Variants in TSHZ2 observed in about 807,000 individuals in gnomAD.
TSHZ2 encodes teashirt zinc finger homeobox 2, also known as teashirt homolog 2.
A neutral mutation model predicts 74.4 loss-of-function variants in TSHZ2; 21 were observed. The ratio of observed to expected loss-of-function variants is 0.28; its 90% confidence interval spans 0.20 to 0.41. The LOEUF is 0.41. TSHZ2 is among the 10% of genes least tolerant of loss of function. TSHZ2 has a pLI of 1.00. For synonymous variants in TSHZ2, 540 were observed against 515.3 expected, an observed-to-expected ratio of 1.05 and a Z score of -0.65; for missense variants, 1,244 against 1,293.5, an observed-to-expected ratio of 0.96 and a Z score of 0.59.
At chr20:53,407,808 G>A (rs1169519709) in intron 2 of TSHZ2, among the ~76,000 whole-genome samples, 1 of 152,158 alleles carries the variant, frequency 6.6e-6, no homozygotes, top group Admixed American at 6.5e-5. Context: ...CAGCACAAAA[G>A]CAGTGCCATG....
intron 1 of TSHZ2, among the ~76,000 whole-genome samples, chr20:53,111,733 C>G (rs1379961136): frequency 6.6e-6 from 1 of 152,178 alleles, no homozygotes; most frequent in Non-Finnish European, 1.5e-5. Context: ...CCAAGGCCAA[C>G]TAGAGGGGCC....
At chr20:53,056,002 A>G (rs920187970) in intron 1 of TSHZ2, among the ~76,000 whole-genome samples, 1 of 152,090 alleles carries the variant, frequency 6.6e-6, no homozygotes, top group Non-Finnish European at 1.5e-5. Flanking sequence ...TTCCATTGCT[A>G]TTTTATTTTC....
chr20:53,218,639 T>C (rs960558919), intron 1 of TSHZ2, among the ~76,000 whole-genome samples: 1 of 152,174 alleles, frequency 6.6e-6, no homozygotes, highest in African/African-American at 2.4e-5. Context: ...CCTACCTCTT[T>C]CTATTGTCTC....
rs537287071 is a variant in TSHZ2, at chr20:53,438,933, C to A, written c.*9-48211C>A. Among the ~76,000 whole-genome samples, 7 of 152,194 alleles carry A rather than the reference C, an allele frequency of 4.6e-5. No homozygotes were observed. The South Asian group carries it at 1.5e-3, about 32-fold the overall frequency. ...TGAGATCGCGCCATTGCACTCCAGC[C>A]TGGGCAACAAGAGTGAAACTCCATC... On this transcript the variant is annotated intron_variant, in intron 2 of 2. Transcript: ENST00000371497.
At chr20:53,483,525 C>T (rs1986215019) in intron 2 of TSHZ2, among the ~76,000 whole-genome samples, 1 of 151,952 alleles carries the variant, frequency 6.6e-6, no homozygotes, top group African/African-American at 2.4e-5. Context: ...CTCCCCCATC[C>T]CCAAACAAAA....
At chr20:53,012,432 G>A (rs1568719008) in intron 1 of TSHZ2, among the ~76,000 whole-genome samples, 1 of 152,080 alleles carries the variant, frequency 6.6e-6, no homozygotes, top group South Asian at 2.1e-4. Flanking sequence ...ACAATCTCAG[G>A]CCTCTGCCAA....
At chr20:53,037,132 T>C (rs890860588) in intron 1 of TSHZ2, among the ~76,000 whole-genome samples, 2 of 152,196 alleles carry the variant, frequency 1.3e-5, no homozygotes, top group East Asian at 1.9e-4. Context: ...TCTTTCCCTA[T>C]GATGAATTTT....
chr20:53,308,068 A>G (rs1016443455), intron 2 of TSHZ2, among the ~76,000 whole-genome samples: 1 of 152,242 alleles, frequency 6.6e-6, no homozygotes, highest in African/African-American at 2.4e-5. Flanking sequence ...CATAGTGAAC[A>G]TCTTGAAGGC....
intron 1 of TSHZ2, among the ~76,000 whole-genome samples, chr20:52,991,844 C>A (rs1214766792): frequency 6.6e-6 from 1 of 151,866 alleles, no homozygotes; most frequent in Non-Finnish European, 1.5e-5. Flanking sequence ...CATGATTTTG[C>A]GTTTGTGGTG....
chr20:53,021,382 C>A (rs555623996), intron 1 of TSHZ2, among the ~76,000 whole-genome samples: 5 of 152,156 alleles, frequency 3.3e-5, no homozygotes, highest in Non-Finnish European at 7.3e-5. Context: ...GTTTAGCAAG[C>A]CTCACTGGTG....
chr20:53,313,123 C>T (rs1452865597), intron 2 of TSHZ2, among the ~76,000 whole-genome samples: 3 of 152,206 alleles, frequency 2.0e-5, no homozygotes, highest in Admixed American at 2.0e-4. Flanking sequence ...ACAAGTAAAG[C>T]TCATTTTTCA....
chr20:53,204,933 G>GA (rs907632578), intron 1 of TSHZ2, among the ~76,000 whole-genome samples: 16 of 148,550 alleles, frequency 1.1e-4, no homozygotes, highest in South Asian at 2.1e-4. Context: ...TACAAAAAAA[G>GA]AAAAAAAAAA....
rs191261462 is a variant in TSHZ2, at chr20:53,254,762, C to A, written c.1304C>A (p.Ala435Asp). Residue 435 changes from alanine (A) to aspartate (D), a missense_variant, in exon 2 of 3, where the codon GCC becomes GAC. Around this residue, in one of 6 missense-constraint regions of TSHZ2, gnomAD observed 562 missense variants for 544.0 expected, o/e 1.03. Coordinates refer to ENST00000371497, the MANE Select transcript of TSHZ2 (RefSeq NM_173485.6). ...AVEKMQSLSE[A>D]PNSDSLAPKP... ...GAGAAAATGCAGTCGTTGTCTGAGGCCCCAAACAGTGATTCTCTGGCTCCC... is the reference window on the plus strand; with the variant it reads ...GAGAAAATGCAGTCGTTGTCTGAGGACCCAAACAGTGATTCTCTGGCTCCC... 2.5e-5 allele frequency: 41 copies of A among 1,613,144 alleles called. No homozygotes were observed. Among genetic ancestry groups the A allele is most frequent in the Non-Finnish European group, 3.4e-5 (40 of 1,179,358 alleles).
At chr20:53,124,084 A>T (rs1986883622) in intron 1 of TSHZ2, among the ~76,000 whole-genome samples, 1 of 152,206 alleles carries the variant, frequency 6.6e-6, no homozygotes, top group African/African-American at 2.4e-5. Flanking sequence ...AGCTTAGGGA[A>T]GACAACTCCC....
At chr20:53,323,621 G>A (rs1165033827) in intron 2 of TSHZ2, among the ~76,000 whole-genome samples, 2 of 120,024 alleles carry the variant, frequency 1.7e-5, no homozygotes, top group East Asian at 2.4e-4. Flanking sequence ...TGTCATCCAG[G>A]CTGGAGTGCT....
At chr20:52,997,527 T>C (rs1461643380) in intron 1 of TSHZ2, among the ~76,000 whole-genome samples, 1 of 152,136 alleles carries the variant, frequency 6.6e-6, no homozygotes, top group Non-Finnish European at 1.5e-5. Flanking sequence ...AGATGATCTA[T>C]TTGTATACAT....
At chr20:53,371,316 G>T (rs1981461553) in intron 2 of TSHZ2, among the ~76,000 whole-genome samples, 1 of 152,206 alleles carries the variant, frequency 6.6e-6, no homozygotes, top group Non-Finnish European at 1.5e-5. Context: ...ACCACCGAAT[G>T]ATTAAAAGCT....
intron 2 of TSHZ2, among the ~76,000 whole-genome samples, chr20:53,431,602 T>C (rs1983852369): frequency 6.6e-6 from 1 of 152,236 alleles, no homozygotes; most frequent in Non-Finnish European, 1.5e-5. Context: ...TAGCAACTCA[T>C]TGAATATTTA....
chr20:52,986,863 A>T (rs1410325573), intron 1 of TSHZ2, among the ~76,000 whole-genome samples: 3 of 152,076 alleles, frequency 2.0e-5, no homozygotes, highest in African/African-American at 7.2e-5. Flanking sequence ...AAAAGAAGGA[A>T]TGGTTTTAAA....
Sources: allele counts gnomAD v4.1 joint callset (sites outside exome capture counted in the v4.1 genomes callset), GRCh38; gene constraint gnomAD v4.1.1; regional missense constraint gnomAD v4.1.1; transcripts MANE v1.5; gene names NCBI Gene and HGNC (gene_info 2026-07-23, HGNC 2026-07-21).